NAV3: variants seen among roughly 807,000 people sequenced by gnomAD.
NAV3 encodes the protein neuron navigator 3.
NAV3 carries 87 observed loss-of-function variants against 244.7 expected under a neutral mutation model. The ratio of observed to expected loss-of-function variants is 0.36; its 90% CI spans 0.30 to 0.42. NAV3 has a LOEUF of 0.42. NAV3 is among the 20% of genes least tolerant of loss of function. NAV3 has a pLI of 1.00. For synonymous variants in NAV3, 1,126 were observed against 1,042.2 expected (o/e 1.08, Z -1.55); for missense variants, 2,663 against 2,893.3 (o/e 0.92, Z 1.83).
chr12:78,098,494 A>T (rs1435838128), intron 12 of NAV3, among the ~76,000 whole-genome samples: 1 of 151,926 alleles, frequency 6.6e-6, no homozygotes, highest in Admixed American at 6.6e-5. Flanking sequence ...ATAGTTGTCT[A>T]AAAAGGGATT....
In NAV3 at chr12:78,210,617, A is replaced by G. The variant is rs1229013997; in HGVS notation, c.*100A>G. 7.1e-7 allele frequency: 1 copy of G among 1,406,730 alleles called. No homozygotes were observed. Among genetic ancestry groups the G allele is most frequent in the Admixed American group, 2.4e-5 (1 of 42,362 alleles). 87.1% of individuals were successfully genotyped at this position (1,406,730 alleles called of 1,614,324 possible). A position where few individuals can be genotyped will look rare whatever the true frequency, so the allele number is the denominator to read the frequency against. ...ACTGCCAGTATAAAAGCACCCTGTCAAGGGCCCTGACCCAGAGTTGTGGTC... is the reference window on the plus strand; with the variant it reads ...ACTGCCAGTATAAAAGCACCCTGTCGAGGGCCCTGACCCAGAGTTGTGGTC... On this transcript the variant is annotated 3_prime_UTR_variant, in exon 40 of 40. Coordinates refer to ENST00000397909, the MANE Select transcript of NAV3 (RefSeq NM_001024383.2).
intron 12 of NAV3, among the ~76,000 whole-genome samples, chr12:78,061,855 G>A (rs1884376412): frequency 6.6e-6 from 1 of 151,976 alleles, no homozygotes; most frequent in African/African-American, 2.4e-5. Context: ...GTAAAAACAT[G>A]TTTCCTGTCT....
intron 1 of NAV3, among the ~76,000 whole-genome samples, chr12:77,887,222 GC>G (rs1883400358): frequency 6.6e-6 from 1 of 152,050 alleles, no homozygotes; most frequent in Non-Finnish European, 1.5e-5. Context: ...AAAAAATTCT[GC>G]CCACCATTCC....
chr12:78,041,198 A>T (rs1488176353), intron 9 of NAV3, among the ~76,000 whole-genome samples: 1 of 152,208 alleles, frequency 6.6e-6, no homozygotes, highest in Non-Finnish European at 1.5e-5. Context: ...TGTGCATGAG[A>T]TCCCAACAAG....
chr12:78,200,253 T>G (rs2140026482), intron 37 of NAV3, among the ~76,000 whole-genome samples: 1 of 152,222 alleles, frequency 6.6e-6, no homozygotes, highest in African/African-American at 2.4e-5. Context: ...CTCCTGACTC[T>G]AGTATATTGT....
rs372018441 is a variant in NAV3 at position 78,116,765 on chromosome 12, C to T, written c.2637-7C>T. 6.3e-7 allele frequency: 1 copy of T among 1,578,756 alleles called. No individual in the cohort carries two copies. Among genetic ancestry groups the T allele is most frequent in the Non-Finnish European group, 8.6e-7 (1 of 1,157,650 alleles). ...TGATTCACTGCTCTTGCATGTCTTG[C>T]CTTTAGCTGGGATGACAGCAGTTCA... On this transcript the variant is annotated splice_region_variant and splice_polypyrimidine_tract_variant and intron_variant, in intron 12 of 39. Coordinates refer to ENST00000397909, the MANE Select transcript of NAV3 (RefSeq NM_001024383.2).
At chr12:77,943,164 T>C (rs912725004) in intron 3 of NAV3, among the ~76,000 whole-genome samples, 3 of 152,162 alleles carry the variant, frequency 2.0e-5, no homozygotes, top group African/African-American at 7.2e-5. Context: ...ATTCTACAAA[T>C]CTGTGAAGAG....
intron 1 of NAV3, among the ~76,000 whole-genome samples, chr12:77,874,915 C>T (rs1025381457): frequency 1.1e-4 from 16 of 151,860 alleles, no homozygotes; most frequent in Non-Finnish European, 7.4e-5. Context: ...TTTCATGAAA[C>T]GTGTACAGAA....
chr12:77,916,366 C>G (rs139268608), intron 1 of NAV3, among the ~76,000 whole-genome samples: 2 of 152,066 alleles, frequency 1.3e-5, no homozygotes, highest in African/African-American at 4.8e-5. Flanking sequence ...ACATAAGTCT[C>G]TTTTTGGTTG....
rs770306939 is a variant in NAV3, at chr12:78,122,170, A to G, written c.3980A>G (p.His1327Arg). The change falls in exon 16 of 40, where the codon CAC (histidine) becomes CGC (arginine). Residue 1327 changes from histidine to arginine, a missense_variant. By Grantham distance (29) the His-to-Arg change is conservative. Transcript: ENST00000397909. ...DLTTDVISLS[H>R]SLASSPASVH... ...ACTACAGATGTTATAAGCTTAAGTC[A>G]CTCGTTGGCCTCCAGCCCAGCATCG... is the stretch of plus-strand genomic sequence containing the variant. The G allele has an allele frequency of 6.2e-7, 1 of 1,613,896 alleles. No homozygotes were observed. The highest frequency in any genetic ancestry group is 8.5e-7 in the Non-Finnish European group (1 of 1,179,978).
intron 2 of NAV3, among the ~76,000 whole-genome samples, chr12:77,614,081 T>C (rs577507030): frequency 2.7e-4 from 39 of 142,282 alleles, no homozygotes; most frequent in Non-Finnish European, 5.1e-4. Flanking sequence ...TCTCTTTTTT[T>C]TTTTTTTTTT....
At chr12:78,001,694 G>T (rs1290656457) in intron 7 of NAV3, among the ~76,000 whole-genome samples, 5 of 152,180 alleles carry the variant, frequency 3.3e-5, no homozygotes, top group Admixed American at 2.6e-4. Context: ...CTCATTAAAT[G>T]AATTAAAATA....
chr12:78,162,926 A>G (rs1404233675), intron 23 of NAV3, among the ~76,000 whole-genome samples: 1 of 137,690 alleles, frequency 7.3e-6, no homozygotes, highest in African/African-American at 2.6e-5. Context: ...TATAATATAT[A>G]TATAAATTAC....
intron 15 of NAV3, 108 bp downstream of exon 15, chr12:78,120,053 T>C (rs1566164066): frequency 1.6e-6 from 1 of 633,812 alleles, no homozygotes; most frequent in Non-Finnish European, 2.4e-6. Context: ...ATGTATAAGG[T>C]ATATATATAT....
intron 8 of NAV3, among the ~76,000 whole-genome samples, chr12:78,008,554 A>G (rs1301145007): frequency 6.6e-6 from 1 of 152,142 alleles, no homozygotes; most frequent in Non-Finnish European, 1.5e-5. Flanking sequence ...AGGAAGCAGG[A>G]CCCACTATAA....
At chr12:77,812,671 C>T (rs1872347884) in intron 2 of NAV3, among the ~76,000 whole-genome samples, 1 of 152,006 alleles carries the variant, frequency 6.6e-6, no homozygotes. Context: ...ACCTAGGGCG[C>T]TCCCGCCTGG....
chr12:78,173,491 A>G (rs2139619606), intron 24 of NAV3, among the ~76,000 whole-genome samples: 1 of 151,796 alleles, frequency 6.6e-6, no homozygotes, highest in East Asian at 1.9e-4. Flanking sequence ...CTTTTTCAAA[A>G]AGCTAATGGC....
chr12:77,816,393 G>T (rs1872528402), intron 2 of NAV3, among the ~76,000 whole-genome samples: 1 of 152,198 alleles, frequency 6.6e-6, no homozygotes, highest in Admixed American at 6.5e-5. Flanking sequence ...GTTTGAATAG[G>T]ATTGGTATTG....
intron 2 of NAV3, among the ~76,000 whole-genome samples, chr12:77,638,627 G>T (rs1476713227): frequency 6.6e-6 from 1 of 152,204 alleles, no homozygotes; most frequent in Non-Finnish European, 1.5e-5. Flanking sequence ...GGAGAATGGA[G>T]CAACTTAAGA....
Sources: gnomAD v4.1 joint callset for allele counts (sites outside exome capture counted in the v4.1 genomes callset) on GRCh38, gnomAD v4.1.1 for gene constraint, MANE v1.5 for transcripts, NCBI Gene and HGNC (gene_info 2026-07-23, HGNC 2026-07-21) for gene names.